The following MAF variants were observed in gnomAD, a reference collection of about 807,000 sequenced individuals.
MAF encodes the protein MAF bZIP transcription factor, also known as transcription factor Maf.
In MAF, 10 loss-of-function variants were observed where a neutral mutation model predicts 22.0. That is an observed-to-expected ratio of 0.45 (90% CI 0.28 to 0.77). The LOEUF is 0.77. Ranked by LOEUF, MAF falls within the 30% of genes least tolerant of loss-of-function variation. MAF has a pLI of 0.12. For synonymous variants in MAF, 337 were observed against 255.8 expected (o/e 1.32, Z -3.03); for missense variants, 544 against 548.4 (o/e 0.99, Z 0.08).
chr16:79,434,858 T>C, the MAF span, among the ~76,000 whole-genome samples: 2 of 152,202 alleles, frequency 1.3e-5, no homozygotes, highest in African/African-American at 4.8e-5. Flanking sequence ...CAGCTTTTCA[T>C]GGATTAGAAT....
the MAF span, among the ~76,000 whole-genome samples, chr16:79,329,395 C>T: frequency 5.3e-5 from 8 of 152,092 alleles, no homozygotes; most frequent in African/African-American, 1.7e-4. Context: ...GAAAGTGCCA[C>T]GCAAATGAGA....
the MAF span, among the ~76,000 whole-genome samples, chr16:79,349,473 G>A: frequency 6.6e-6 from 1 of 152,214 alleles, no homozygotes; most frequent in African/African-American, 2.4e-5. Context: ...AAAATGCAAT[G>A]AGGTCATTGC....
chr16:79,356,078 C>G, the MAF span, among the ~76,000 whole-genome samples: 5 of 152,156 alleles, frequency 3.3e-5, no homozygotes, highest in African/African-American at 9.6e-5. Flanking sequence ...TCCCCAGGCA[C>G]TCTCACCTAC....
the MAF span, among the ~76,000 whole-genome samples, chr16:79,493,639 T>G: frequency 3.3e-5 from 5 of 152,206 alleles, no homozygotes; most frequent in Non-Finnish European, 5.9e-5. Flanking sequence ...TTTCACAAAA[T>G]GAAAATCCAT....
chr16:79,537,641 T>C, the MAF span, among the ~76,000 whole-genome samples: 4 of 152,334 alleles, frequency 2.6e-5, no homozygotes, highest in African/African-American at 9.6e-5. Flanking sequence ...GGTTGCTGAT[T>C]GCTGCACATG....
At chr16:79,363,836 A>G in the MAF span, among the ~76,000 whole-genome samples, 3 of 152,178 alleles carry the variant, frequency 2.0e-5, no homozygotes, top group Non-Finnish European at 4.4e-5. Flanking sequence ...AAGAGAAGGA[A>G]CAAATATCTG....
chr16:79,453,744 T>C, the MAF span, among the ~76,000 whole-genome samples: 1 of 152,230 alleles, frequency 6.6e-6, no homozygotes, highest in Non-Finnish European at 1.5e-5. Context: ...CAATAGAACG[T>C]CACTGCTATT....
chr16:79,242,036 A>C, the MAF span, among the ~76,000 whole-genome samples: 9 of 152,100 alleles, frequency 5.9e-5, no homozygotes, highest in Non-Finnish European at 1.2e-4. Flanking sequence ...AGAGCTCCTG[A>C]AGGAAGCACT....
At chr16:79,531,033 A>G in the MAF span, among the ~76,000 whole-genome samples, 141 of 152,336 alleles carry the variant, frequency 9.3e-4, 1 homozygote, top group East Asian at 0.021. Context: ...CCATTCCCCA[A>G]GCTCTAATTT....
the MAF span, among the ~76,000 whole-genome samples, chr16:79,519,252 T>C: frequency 1.3e-5 from 2 of 152,236 alleles, no homozygotes; most frequent in East Asian, 1.9e-4. Flanking sequence ...GAAACAGCCA[T>C]GTGACCACCT....
the MAF span, among the ~76,000 whole-genome samples, chr16:79,300,342 G>A: frequency 1.3e-5 from 2 of 152,126 alleles, no homozygotes; most frequent in Non-Finnish European, 2.9e-5. Flanking sequence ...GGATCACCAG[G>A]TCAGGAGTTC....
chr16:79,326,134 C>T, the MAF span, among the ~76,000 whole-genome samples: 1 of 152,138 alleles, frequency 6.6e-6, no homozygotes, highest in Non-Finnish European at 1.5e-5. Context: ...AGTCTGAAGA[C>T]TTCAATAATT....
chr16:79,511,266 G>C, the MAF span, among the ~76,000 whole-genome samples: 4 of 151,822 alleles, frequency 2.6e-5, no homozygotes, highest in African/African-American at 9.7e-5. Context: ...GAAAAGAAAA[G>C]GAAAGAAAAG....
At chr16:79,319,179 TGGGGAGGTGG>T in the MAF span, among the ~76,000 whole-genome samples, 1 of 152,134 alleles carries the variant, frequency 6.6e-6, no homozygotes, top group Non-Finnish European at 1.5e-5. Flanking sequence ...ATGCCTACTT[TGGGGAGGTGG>T]GGGGAGGTCC....
chr16:79,402,888 G>C, the MAF span, among the ~76,000 whole-genome samples: 2 of 152,298 alleles, frequency 1.3e-5, no homozygotes, highest in African/African-American at 4.8e-5. Context: ...ACATCCTTCA[G>C]CTGAGCCCAG....
the MAF span, among the ~76,000 whole-genome samples, chr16:79,286,787 CACACA>C: frequency 6.6e-5 from 10 of 152,212 alleles, no homozygotes. Flanking sequence ...CACAGGCTCC[CACACA>C]ACCCAGGACA....
At chr16:79,337,229 C>G in the MAF span, among the ~76,000 whole-genome samples, 1 of 152,194 alleles carries the variant, frequency 6.6e-6, no homozygotes, top group African/African-American at 2.4e-5. Context: ...TCTCTCTACT[C>G]AGACTACCAT....
At chr16:79,251,569 G>A in the MAF span, among the ~76,000 whole-genome samples, 2 of 150,608 alleles carry the variant, frequency 1.3e-5, no homozygotes, top group African/African-American at 2.4e-5. Flanking sequence ...CATTCGCCTC[G>A]GCCTCCCAAA....
the MAF span, among the ~76,000 whole-genome samples, chr16:79,470,220 A>C: frequency 6.6e-6 from 1 of 152,204 alleles, no homozygotes; most frequent in East Asian, 1.9e-4. Context: ...AGGAAGTGGG[A>C]ACTTCCTTGA....
Sources: allele counts gnomAD v4.1 joint callset (sites outside exome capture counted in the v4.1 genomes callset), GRCh38; gene constraint gnomAD v4.1.1; transcripts MANE v1.5; gene names NCBI Gene and HGNC (gene_info 2026-07-23, HGNC 2026-07-21).